Variants in INTS8 observed in about 807,000 individuals in gnomAD.
The protein encoded by INTS8 is protein kaonashi-1.
In INTS8, 47 loss-of-function variants were observed where a neutral mutation model predicts 138.9. The observed-to-expected ratio is 0.34, with a 90% confidence interval of 0.27 to 0.43. The LOEUF (loss-of-function observed/expected upper bound fraction) is 0.43. Ranked by LOEUF, INTS8 falls within the 20% of genes least tolerant of loss-of-function variation. The probability of loss-of-function intolerance (pLI) is 1.00; values close to 1 mark genes in which losing one functional copy is unlikely to be tolerated. For synonymous variants in INTS8, 392 were observed against 400.9 expected (o/e 0.98, Z 0.27); for missense variants, 996 against 1,173.0 (o/e 0.85, Z 2.20).
At chr8:94,870,330 C>T (rs780120869) in intron 20 of INTS8, among the ~76,000 whole-genome samples, 26 of 152,122 alleles carry the variant, frequency 1.7e-4, no homozygotes, top group African/African-American at 5.3e-4. Flanking sequence ...GTATTACAGG[C>T]GTGAGCCACC....
rs12677346 is a variant in INTS8 at position 94,826,641 on chromosome 8, A to T, written c.306-622A>T. On this transcript the variant is annotated intron_variant, in intron 2 of 26. Coordinates refer to ENST00000523731, the MANE Select transcript of INTS8 (RefSeq NM_017864.4). ...ATTATGTTAAGAGTTAATTTTTTGA[A>T]ATATATTCTGAAATATTTATGGACG... Among the ~76,000 whole-genome samples, 9 of 152,086 alleles carry T rather than the reference A, an allele frequency of 5.9e-5. No homozygotes were observed. The East Asian group carries it at 1.7e-3, about 29-fold the overall frequency.
Position 94,823,394 on chromosome 8 carries a change from C to A in INTS8, c.-38C>A, listed in dbSNP as rs1333042287. ...CCGCATCCAAGTGTCAGGTTGGAGC[C>A]GGGAAGCGGCCCTGGTGGTAGCGGC... On this transcript the variant is annotated 5_prime_UTR_variant, in exon 1 of 27. Coordinates refer to ENST00000523731, the MANE Select transcript of INTS8 (RefSeq NM_017864.4). 1 of 1,510,442 alleles carries A rather than the reference C, an allele frequency of 6.6e-7. No individual in the cohort carries two copies. Among genetic ancestry groups the A allele is most frequent in the Non-Finnish European group, 8.8e-7 (1 of 1,131,996 alleles). The allele number at this position is 1,510,442 out of a possible 1,614,324, so 93.6% of individuals were successfully genotyped here.
intron 6 of INTS8, among the ~76,000 whole-genome samples, chr8:94,832,932 G>A (rs1231738025): frequency 1.3e-5 from 2 of 152,118 alleles, no homozygotes; most frequent in Admixed American, 6.5e-5. Flanking sequence ...GGGATTACAG[G>A]CGTGAGCCAC....
intron 7 of INTS8, among the ~76,000 whole-genome samples, chr8:94,837,701 T>G (rs1157796414): frequency 6.6e-6 from 1 of 152,176 alleles, no homozygotes; most frequent in African/African-American, 2.4e-5. Context: ...TAACACTGTT[T>G]GCTCTTTGTT....
intron 6 of INTS8, among the ~76,000 whole-genome samples, chr8:94,836,280 G>A (rs1475061505): frequency 6.6e-6 from 1 of 152,058 alleles, no homozygotes; most frequent in Non-Finnish European, 1.5e-5. Context: ...AGATTCTTTA[G>A]CCTTTTTAAT....
intron 22 of INTS8, chr8:94,873,707 C>T (rs191436214): frequency 3.6e-4 from 156 of 438,140 alleles, no homozygotes; most frequent in African/African-American, 3.1e-3. Context: ...TGATTTGTGT[C>T]TGTCTTTACC....
intron 16 of INTS8, 63 bp downstream of exon 16, chr8:94,859,695 T>A: frequency 7.5e-7 from 1 of 1,340,884 alleles, no homozygotes; most frequent in Non-Finnish European, 1.0e-6. Context: ...TCTTTAACTT[T>A]ATACTACTTT....
At chr8:94,835,417 A>C (rs908395816) in intron 6 of INTS8, among the ~76,000 whole-genome samples, 1 of 152,184 alleles carries the variant, frequency 6.6e-6, no homozygotes, top group African/African-American at 2.4e-5. Context: ...CACATCTTAC[A>C]TACAAATTCT....
intron 12 of INTS8, among the ~76,000 whole-genome samples, chr8:94,850,494 C>T (rs925105862): frequency 1.3e-5 from 2 of 151,990 alleles, no homozygotes; most frequent in African/African-American, 4.8e-5. Context: ...CGCCTGTAGT[C>T]CCAGCTACTC....
At chr8:94,845,585 C>T (rs1322264025) in intron 10 of INTS8, among the ~76,000 whole-genome samples, 1 of 152,208 alleles carries the variant, frequency 6.6e-6, no homozygotes, top group Non-Finnish European at 1.5e-5. Flanking sequence ...GTGTCAGCCT[C>T]CTGAGTAGCT....
At chr8:94,850,647 A>G (rs1563655525) in intron 12 of INTS8, among the ~76,000 whole-genome samples, 1 of 151,912 alleles carries the variant, frequency 6.6e-6, no homozygotes, top group Non-Finnish European at 1.5e-5. Flanking sequence ...TCACCGGAGA[A>G]ATAGACCAAG....
chr8:94,871,299 T>C (rs1816387398), intron 20 of INTS8, among the ~76,000 whole-genome samples: 1 of 132,214 alleles, frequency 7.6e-6, no homozygotes, highest in Admixed American at 7.9e-5. Context: ...AAACCCCGTC[T>C]CTACTAAAAA....
intron 10 of INTS8, among the ~76,000 whole-genome samples, chr8:94,845,135 GTTGT>G (rs774137648): frequency 1.2e-4 from 18 of 152,046 alleles, no homozygotes; most frequent in Admixed American, 2.0e-4. Flanking sequence ...ATTTCTGTGT[GTTGT>G]TTAAGAAAGC....
At chr8:94,857,023 C>T in intron 15 of INTS8, 45 bp downstream of exon 15, 1 of 1,121,602 alleles carries the variant, frequency 8.9e-7, no homozygotes, top group Non-Finnish European at 1.3e-6. Flanking sequence ...TCAGTACTCA[C>T]ATAATTGTGG....
chr8:94,828,833 G>A, intron 4 of INTS8, 142 bp from the exon 5 acceptor site: 3 of 635,282 alleles, frequency 4.7e-6, no homozygotes, highest in Non-Finnish European at 8.3e-6. Context: ...TGAGGGTTTT[G>A]TTTTTTCAAA....
At chr8:94,834,010 G>T (rs922624453) in intron 6 of INTS8, among the ~76,000 whole-genome samples, 1 of 152,154 alleles carries the variant, frequency 6.6e-6, no homozygotes, top group African/African-American at 2.4e-5. Flanking sequence ...GACTTCCAGT[G>T]ATCTGCCCGC....
chr8:94,866,422 A>C (rs1586519681), intron 18 of INTS8: 2 of 493,760 alleles, frequency 4.1e-6, no homozygotes, highest in East Asian at 8.9e-5. Context: ...CTTTCTGAGG[A>C]ACTGGGACTA....
chr8:94,832,216 A>G (rs764909803), intron 6 of INTS8, 42 bp downstream of exon 6: 7 of 1,466,904 alleles, frequency 4.8e-6, no homozygotes, highest in Non-Finnish European at 6.6e-6. Flanking sequence ...AATTTTTTGG[A>G]AAATCTTAAT....
intron 4 of INTS8, 67 bp downstream of exon 4, chr8:94,827,860 T>G (rs1404419603): frequency 8.1e-7 from 1 of 1,233,742 alleles, no homozygotes; most frequent in African/African-American, 1.5e-5. Flanking sequence ...GTTTGCAAGT[T>G]TTTAATAACC....
Sources: allele counts gnomAD v4.1 joint callset (sites outside exome capture counted in the v4.1 genomes callset), GRCh38; gene constraint gnomAD v4.1.1; transcripts MANE v1.5; gene names NCBI Gene and HGNC (gene_info 2026-07-23, HGNC 2026-07-21).